The following ZSWIM5 variants were observed in gnomAD, a reference collection of about 807,000 sequenced individuals.
The protein encoded by ZSWIM5 is zinc finger SWIM-type containing 5, also known as zinc finger SWIM domain-containing protein 5.
In ZSWIM5, 55 loss-of-function variants were observed where a neutral mutation model predicts 119.6. The observed-to-expected ratio is 0.46, with a 90% CI of 0.37 to 0.58. ZSWIM5 has a LOEUF of 0.58. Ranked by LOEUF, ZSWIM5 falls within the 20% of genes least tolerant of loss-of-function variation. The pLI is 0.00. For missense variants in ZSWIM5, 1,193 were observed against 1,512.8 expected, an observed-to-expected ratio of 0.79 and a Z score of 3.51; for synonymous variants, 537 against 606.9, an observed-to-expected ratio of 0.88 and a Z score of 1.69.
At chr1:45,162,743 G>A (rs999410198) in intron 1 of ZSWIM5, among the ~76,000 whole-genome samples, 4 of 152,146 alleles carry the variant, frequency 2.6e-5, no homozygotes, top group Admixed American at 6.5e-5. Context: ...CTCTGAGATC[G>A]AACTGCAAGG....
At position 45,173,355 on chromosome 1, in the gene ZSWIM5, T is replaced by C. The variant is rs1645957528; in HGVS notation, c.595+32401A>G. ...TGTACATTAAAAGTGTGATATTACA[T>C]AAAAGGCAAGAATGGATGTTACTAA... On this transcript the variant is annotated intron_variant, in intron 1 of 13. Transcript: ENST00000359600. Among the ~76,000 whole-genome samples the C allele has an allele frequency of 2.0e-5, 3 of 152,170 alleles. No individual in the cohort carries two copies. In the South Asian group the frequency reaches 6.2e-4, roughly 31 times the overall value.
intron 1 of ZSWIM5, among the ~76,000 whole-genome samples, chr1:45,124,489 A>G (rs1645609281): frequency 6.6e-6 from 1 of 152,158 alleles, no homozygotes; most frequent in Admixed American, 6.5e-5. Context: ...AATGCTATAG[A>G]TAGATCAAAA....
intron 1 of ZSWIM5, among the ~76,000 whole-genome samples, chr1:45,105,816 T>A: frequency 6.8e-6 from 1 of 146,982 alleles, no homozygotes. Flanking sequence ...GAGGAGAGCC[T>A]CTGCCCGGCC....
chr1:45,063,528 T>C (rs1645165091), intron 2 of ZSWIM5, among the ~76,000 whole-genome samples: 1 of 152,166 alleles, frequency 6.6e-6, no homozygotes, highest in Non-Finnish European at 1.5e-5. Context: ...CATCTTGTCT[T>C]CCCCTACACT....
chr1:45,174,905 C>A (rs1381648075), intron 1 of ZSWIM5, among the ~76,000 whole-genome samples: 1 of 151,920 alleles, frequency 6.6e-6, no homozygotes, highest in Non-Finnish European at 1.5e-5. Context: ...TGTGTATTTC[C>A]TTCAAAGATA....
rs1460889057 is a variant in ZSWIM5 at position 45,060,217 on chromosome 1, A to G, written c.983T>C (p.Ile328Thr). The change falls in exon 3 of 14, where the codon ATT (isoleucine) becomes ACT (threonine). Residue 328 changes from isoleucine to threonine, a missense_variant. Around this residue, in one of 2 missense-constraint regions of ZSWIM5, gnomAD observed 961 missense variants for 1,290.0 expected, o/e 0.74. Coordinates refer to ENST00000359600, the MANE Select transcript of ZSWIM5 (RefSeq NM_020883.2). The part of the protein sequence containing the change: ...GAPDPTAGAS[I>T]DDENCWHLDE... ...CAAATGCCAACAGTTCTCATCGTCA[A>G]TGCTGGCCCCAGCTGTGGGGTCAGG... is the stretch of plus-strand genomic sequence containing the variant. The G allele has an allele frequency of 1.9e-6, 3 of 1,614,090 alleles. No homozygotes were observed. Among genetic ancestry groups the G allele is most frequent in the Non-Finnish European group, 2.5e-6 (3 of 1,180,036 alleles).
chr1:45,174,220 G>A (rs1324008873), intron 1 of ZSWIM5, among the ~76,000 whole-genome samples: 1 of 152,062 alleles, frequency 6.6e-6, no homozygotes, highest in African/African-American at 2.4e-5. Context: ...GTTGCAGTGA[G>A]CCAAGATCAG....
intron 4 of ZSWIM5, among the ~76,000 whole-genome samples, chr1:45,053,548 G>A (rs1019922799): frequency 6.6e-6 from 1 of 151,864 alleles, no homozygotes; most frequent in Non-Finnish European, 1.5e-5. Context: ...GATTGCTTGA[G>A]GTCAGGAGTT....
chr1:45,192,304 C>G (rs916588166), intron 1 of ZSWIM5, among the ~76,000 whole-genome samples: 4 of 152,200 alleles, frequency 2.6e-5, no homozygotes, highest in African/African-American at 7.2e-5. Context: ...CCCTCAGCCC[C>G]TGACAACCTC....
At chr1:45,090,214 C>G (rs926985328) in intron 1 of ZSWIM5, among the ~76,000 whole-genome samples, 3 of 152,122 alleles carry the variant, frequency 2.0e-5, no homozygotes, top group African/African-American at 7.2e-5. Flanking sequence ...TAGGTCTAAT[C>G]CAAAGAAAGG....
At chr1:45,150,171 T>TAAAAAA (rs59869691) in intron 1 of ZSWIM5, among the ~76,000 whole-genome samples, 107 of 92,370 alleles carry the variant, frequency 1.2e-3, no homozygotes, top group East Asian at 1.8e-3. Context: ...CTCTATCTCT[T>TAAAAAA]AAAAAAAAAA....
chr1:45,031,955 CT>C (rs1644956044), intron 11 of ZSWIM5, among the ~76,000 whole-genome samples: 1 of 151,446 alleles, frequency 6.6e-6, no homozygotes, highest in Admixed American at 6.6e-5. Context: ...TTGACTTGTG[CT>C]TTCATTTTCA....
chr1:45,190,425 A>G (rs1420739719), intron 1 of ZSWIM5, among the ~76,000 whole-genome samples: 1 of 152,196 alleles, frequency 6.6e-6, no homozygotes, highest in African/African-American at 2.4e-5. Context: ...GGACAAGATC[A>G]GCTGTGTTCT....
intron 1 of ZSWIM5, among the ~76,000 whole-genome samples, chr1:45,198,001 A>G (rs1436852266): frequency 1.3e-5 from 2 of 152,268 alleles, no homozygotes; most frequent in Non-Finnish European, 2.9e-5. Context: ...GATGCTGAAC[A>G]TGAAGCCTGC....
At chr1:45,175,552 C>T (rs1039551208) in intron 1 of ZSWIM5, among the ~76,000 whole-genome samples, 15 of 151,958 alleles carry the variant, frequency 9.9e-5, no homozygotes, top group African/African-American at 2.9e-4. Context: ...TGGGCCCAAG[C>T]GATCCTCCCA....
intron 1 of ZSWIM5, among the ~76,000 whole-genome samples, chr1:45,129,629 A>G (rs189475097): frequency 7.4e-4 from 112 of 152,328 alleles, no homozygotes; most frequent in Non-Finnish European, 3.4e-4. Flanking sequence ...CAACCTTGCT[A>G]TAATCCTGAT....
chr1:45,128,499 C>A (rs1645635348), intron 1 of ZSWIM5, among the ~76,000 whole-genome samples: 1 of 152,012 alleles, frequency 6.6e-6, no homozygotes, highest in Non-Finnish European at 1.5e-5. Context: ...GCCCCTGGCC[C>A]ACTATTTTAA....
chr1:45,051,978 C>T (rs1245044618), intron 4 of ZSWIM5, among the ~76,000 whole-genome samples: 1 of 149,174 alleles, frequency 6.7e-6, no homozygotes, highest in Non-Finnish European at 1.5e-5. Context: ...CTTGTGATGC[C>T]TTAAAACCAT....
At chr1:45,166,336 T>C (rs551320961) in intron 1 of ZSWIM5, among the ~76,000 whole-genome samples, 1 of 152,126 alleles carries the variant, frequency 6.6e-6, no homozygotes, top group South Asian at 2.1e-4. Context: ...TAAGAGCTAT[T>C]TATGACAAAA....
Sources: allele counts gnomAD v4.1 joint callset (sites outside exome capture counted in the v4.1 genomes callset), GRCh38; gene constraint gnomAD v4.1.1; regional missense constraint gnomAD v4.1.1; transcripts MANE v1.5; gene names NCBI Gene and HGNC (gene_info 2026-07-23, HGNC 2026-07-21).